The following CDH13 variants were observed in gnomAD, a reference collection of about 807,000 sequenced individuals.
The protein encoded by CDH13 is cadherin 13.
Under a neutral mutation model 63.8 loss-of-function variants are expected in CDH13, and 24 were observed. The ratio of observed to expected loss-of-function variants is 0.38; its 90% CI spans 0.27 to 0.53. The LOEUF (loss-of-function observed/expected upper bound fraction) is 0.53, where lower values mean the gene tolerates loss of function less well. Among genes scored for constraint, CDH13 ranks in the 20% least tolerant of loss-of-function variants. The pLI, the probability that CDH13 is intolerant of heterozygous loss-of-function variation, is 0.85. For missense variants in CDH13, 1,049 were observed against 903.1 expected (o/e 1.16, Z -2.07); for synonymous variants, 503 against 355.3 (o/e 1.42, Z -4.67).
chr16:82,947,862 T>G (rs910584197), intron 2 of CDH13, among the ~76,000 whole-genome samples: 48 of 152,176 alleles, frequency 3.2e-4, no homozygotes, highest in African/African-American at 1.1e-3. Flanking sequence ...CTGACAAGAA[T>G]GAGTGTCACA....
At chr16:82,869,776 T>C (rs894398523) in intron 2 of CDH13, among the ~76,000 whole-genome samples, 7 of 152,122 alleles carry the variant, frequency 4.6e-5, no homozygotes, top group African/African-American at 1.7e-4. Context: ...TGGATATCCA[T>C]ATGCAGAAGA....
intron 1 of CDH13, among the ~76,000 whole-genome samples, chr16:82,685,534 G>A (rs1914976223): frequency 1.3e-5 from 2 of 152,204 alleles, no homozygotes; most frequent in African/African-American, 4.8e-5. Flanking sequence ...TCAGGTGTAG[G>A]TGATTAAGTG....
At chr16:83,009,265 G>A (rs1293231938) in intron 2 of CDH13, among the ~76,000 whole-genome samples, 2 of 152,204 alleles carry the variant, frequency 1.3e-5, no homozygotes, top group Non-Finnish European at 2.9e-5. Context: ...GCTACTTCTG[G>A]AGACAGTGAC....
chr16:83,250,132 C>G (rs553393878), intron 5 of CDH13, among the ~76,000 whole-genome samples: 10 of 152,148 alleles, frequency 6.6e-5, no homozygotes, highest in Non-Finnish European at 8.8e-5. Flanking sequence ...TGAATTATTG[C>G]TATGTTTAAA....
intron 6 of CDH13, among the ~76,000 whole-genome samples, chr16:83,442,158 C>A (rs905841502): frequency 2.6e-5 from 4 of 152,164 alleles, no homozygotes; most frequent in African/African-American, 9.7e-5. Context: ...TGCGTCTTAG[C>A]TCTGGGTTTA....
At chr16:83,604,272 G>C (rs1331335054) in intron 8 of CDH13, among the ~76,000 whole-genome samples, 2 of 152,102 alleles carry the variant, frequency 1.3e-5, no homozygotes, top group Non-Finnish European at 2.9e-5. Context: ...TCCATTCTCT[G>C]ACTTCCCATG....
intron 4 of CDH13, among the ~76,000 whole-genome samples, chr16:83,209,956 C>A (rs2039292931): frequency 1.3e-5 from 2 of 152,156 alleles, no homozygotes; most frequent in African/African-American, 4.8e-5. Context: ...GGCTGTGCCT[C>A]ATGCTGGGTT....
At chr16:83,046,559 C>T (rs1238135496) in intron 3 of CDH13, among the ~76,000 whole-genome samples, 1 of 152,128 alleles carries the variant, frequency 6.6e-6, no homozygotes, top group Non-Finnish European at 1.5e-5. Flanking sequence ...AAACAAAAAT[C>T]ACATCTTATA....
intron 1 of CDH13, among the ~76,000 whole-genome samples, chr16:82,791,905 C>G (rs142355866): frequency 2.2e-4 from 34 of 152,284 alleles, no homozygotes; most frequent in African/African-American, 7.9e-4. Context: ...GGTCAGAGAA[C>G]AAAAGGCTTG....
rs115380585 is a variant in CDH13 at position 83,444,955 on chromosome 16, A to G, written c.782-41522A>G. On this transcript the variant is annotated intron_variant, in intron 6 of 13. Transcript: ENST00000567109. ...TCCCACGTTGCAGGTAGGAAATTAA[A>G]GCTCTTAAGAAAGGATGGCATTGTT... Among the ~76,000 whole-genome samples, 414 of 132,482 alleles carry G rather than the reference A, an allele frequency of 3.1e-3. 4 individuals carry two copies. The highest frequency in any genetic ancestry group is 0.011 in the African/African-American group (397 of 36,304). 86.9% of individuals were successfully genotyped at this position (132,482 alleles called of 152,430 possible).
At position 82,870,576 on chromosome 16, in the gene CDH13, C is replaced by T. The variant is rs116295461; in HGVS notation, c.157+12103C>T. On this transcript the variant is annotated intron_variant, in intron 2 of 13. Transcript: ENST00000567109. ...ATGAATAAAATCTAGTATTTTGTAG[C>T]GTAATAGGGTAACAAAAATTAATAA... 9.4e-3 allele frequency among the ~76,000 whole-genome samples: 1,429 copies of T among 151,838 alleles called. 25 individuals carry two copies. Among genetic ancestry groups the T allele is most frequent in the African/African-American group, 0.033 (1,348 of 41,398 alleles).
intron 6 of CDH13, among the ~76,000 whole-genome samples, chr16:83,466,707 C>G (rs375666855): frequency 1.3e-5 from 2 of 152,178 alleles, no homozygotes; most frequent in South Asian, 2.1e-4. Context: ...CTCCTGGATT[C>G]CCTAGTTTGG....
chr16:83,356,889 A>C (rs1383600209), intron 6 of CDH13, among the ~76,000 whole-genome samples: 2 of 152,182 alleles, frequency 1.3e-5, no homozygotes, highest in Non-Finnish European at 2.9e-5. Context: ...TACCCAAGCT[A>C]TTTTATTATT....
intron 6 of CDH13, among the ~76,000 whole-genome samples, chr16:83,388,925 C>T (rs1010773465): frequency 6.6e-6 from 1 of 152,254 alleles, no homozygotes; most frequent in African/African-American, 2.4e-5. Context: ...GTGGGAGAAG[C>T]GTTGGTCTAA....
intron 3 of CDH13, among the ~76,000 whole-genome samples, chr16:83,036,577 G>C (rs544754088): frequency 1.3e-5 from 2 of 152,244 alleles, no homozygotes; most frequent in Admixed American, 1.3e-4. Context: ...CAGAATGCCA[G>C]ATTGTCAGGA....
At chr16:83,400,906 A>G (rs1356578306) in intron 6 of CDH13, among the ~76,000 whole-genome samples, 1 of 152,136 alleles carries the variant, frequency 6.6e-6, no homozygotes, top group Non-Finnish European at 1.5e-5. Context: ...TACTAATGAT[A>G]GAAATTGCTG....
chr16:83,660,664 G>A (rs1732391123), intron 8 of CDH13, among the ~76,000 whole-genome samples: 1 of 152,178 alleles, frequency 6.6e-6, no homozygotes, highest in Admixed American at 6.5e-5. Flanking sequence ...ATGCAGAATT[G>A]CATAAGCCAA....
rs562942948 is a variant in CDH13 at position 82,672,999 on chromosome 16, C to CTT, written c.45+45881_45+45882dup. Among the ~76,000 whole-genome samples, 753 of 81,188 alleles carry CTT rather than the reference C, an allele frequency of 9.3e-3. 81 individuals are homozygous for CTT. The highest frequency in any genetic ancestry group is 0.029 in the Middle Eastern group (3 of 102). The allele number at this position is 81,188 out of a possible 152,430, so 53.3% of individuals were successfully genotyped here. A position where few individuals can be genotyped will look rare whatever the true frequency, so the allele number is the denominator to read the frequency against. ...GTATGGCTAATTTTTATAAAGTTTT[C>CTT]TTTTTTTTTTTTTTTTTTTTGTAGA... On this transcript the variant is annotated intron_variant, in intron 1 of 13. Coordinates refer to ENST00000567109, the MANE Select transcript of CDH13 (RefSeq NM_001257.5).
At chr16:82,649,738 A>T (rs1910506481) in intron 1 of CDH13, among the ~76,000 whole-genome samples, 1 of 152,180 alleles carries the variant, frequency 6.6e-6, no homozygotes, top group Non-Finnish European at 1.5e-5. Flanking sequence ...GGAAAAATGG[A>T]AAGGAAAGAA....
Sources: allele counts gnomAD v4.1 joint callset (sites outside exome capture counted in the v4.1 genomes callset), GRCh38; gene constraint gnomAD v4.1.1; transcripts MANE v1.5; gene names NCBI Gene and HGNC (gene_info 2026-07-23, HGNC 2026-07-21).